GUCY1A2: variants seen among roughly 807,000 people sequenced by gnomAD.
GUCY1A2 encodes guanylate cyclase 1 soluble subunit alpha 2, also known as guanylate cyclase soluble subunit alpha-2.
A neutral mutation model predicts 63.5 loss-of-function variants in GUCY1A2; 27 were observed. The observed-to-expected ratio is 0.43, with a 90% CI of 0.31 to 0.59. GUCY1A2 has a LOEUF of 0.59. Ranked by LOEUF, GUCY1A2 falls within the 20% of genes least tolerant of loss-of-function variation. GUCY1A2 has a pLI of 0.11. For synonymous variants in GUCY1A2, 364 were observed against 343.5 expected, an observed-to-expected ratio of 1.06 and a Z score of -0.66; for missense variants, 768 against 913.3, an observed-to-expected ratio of 0.84 and a Z score of 2.05.
intron 5 of GUCY1A2, among the ~76,000 whole-genome samples, chr11:106,806,383 A>G (rs1236315562): frequency 6.6e-6 from 1 of 152,186 alleles, no homozygotes; most frequent in Non-Finnish European, 1.5e-5. Context: ...GCACTGGAAC[A>G]CTGCAACCAT....
At chr11:106,696,791 C>G (rs1862727419) in intron 7 of GUCY1A2, among the ~76,000 whole-genome samples, 1 of 152,038 alleles carries the variant, frequency 6.6e-6, no homozygotes, top group Non-Finnish European at 1.5e-5. Context: ...TTGCAAATTC[C>G]ACTAAAATTA....
intron 1 of GUCY1A2, among the ~76,000 whole-genome samples, chr11:106,986,712 G>A (rs1861406449): frequency 1.3e-5 from 2 of 151,996 alleles, no homozygotes; most frequent in African/African-American, 4.8e-5. Flanking sequence ...GAGTAGGATG[G>A]GAAGCAGGTG....
At chr11:106,707,034 A>C (rs1344670298) in intron 7 of GUCY1A2, among the ~76,000 whole-genome samples, 1 of 152,160 alleles carries the variant, frequency 6.6e-6, no homozygotes, top group East Asian at 1.9e-4. Flanking sequence ...AACTTTGTCC[A>C]GAAGTTGTCT....
At chr11:106,848,143 T>C (rs1859302154) in intron 4 of GUCY1A2, among the ~76,000 whole-genome samples, 1 of 151,658 alleles carries the variant, frequency 6.6e-6, no homozygotes, top group Non-Finnish European at 1.5e-5. Flanking sequence ...GGAAAGCTGG[T>C]GAAAATGCTG....
At chr11:106,735,211 T>G (rs1863568377) in intron 6 of GUCY1A2, among the ~76,000 whole-genome samples, 1 of 152,122 alleles carries the variant, frequency 6.6e-6, no homozygotes, top group Non-Finnish European at 1.5e-5. Context: ...CACCCTGTTG[T>G]GCTATCAGAT....
intron 1 of GUCY1A2, among the ~76,000 whole-genome samples, chr11:106,989,344 G>A (rs890399384): frequency 2.0e-5 from 3 of 151,914 alleles, no homozygotes; most frequent in Non-Finnish European, 4.4e-5. Context: ...TTCCTTATGC[G>A]TACCTTATTT....
intron 5 of GUCY1A2, among the ~76,000 whole-genome samples, chr11:106,792,034 C>A (rs986172914): frequency 6.6e-6 from 1 of 152,056 alleles, no homozygotes; most frequent in Non-Finnish European, 1.5e-5. Context: ...TTGATGAACA[C>A]TGATGCAAAA....
chr11:106,746,976 A>G (rs1021056377), intron 6 of GUCY1A2, among the ~76,000 whole-genome samples: 3 of 152,074 alleles, frequency 2.0e-5, no homozygotes, highest in African/African-American at 4.8e-5. Flanking sequence ...AAGAATCAAA[A>G]GATGTGGGTT....
At chr11:106,874,265 T>C (rs147635995) in intron 4 of GUCY1A2, among the ~76,000 whole-genome samples, 1 of 152,310 alleles carries the variant, frequency 6.6e-6, no homozygotes, top group African/African-American at 2.4e-5. Context: ...TAAAATCCAA[T>C]AGGCTGTGGC....
At chr11:106,802,288 G>A (rs562003516) in intron 5 of GUCY1A2, among the ~76,000 whole-genome samples, 2 of 152,242 alleles carry the variant, frequency 1.3e-5, no homozygotes, top group African/African-American at 2.4e-5. Flanking sequence ...TGCTGAAGTG[G>A]TAGTGGCAAA....
chr11:106,680,451 C>T lies in GUCY1A2; in HGVS notation c.*7098G>A, dbSNP rs971092310. The T allele has an allele frequency of 4.8e-6, 1 of 206,828 alleles. No individual in the cohort carries two copies. The highest frequency in any genetic ancestry group is 9.9e-6 in the Non-Finnish European group (1 of 101,424). The allele number at this position is 206,828 out of a possible 1,614,324, so 12.8% of individuals were successfully genotyped here. ...ATCAAAAAGTAACTATTACTCAGAC[C>T]TGCCATTTGGTTTTTCTTTTCTGCT... is the stretch of plus-strand genomic sequence containing the variant. On this transcript the variant is annotated 3_prime_UTR_variant, in exon 8 of 8. Transcript: ENST00000526355.
At chr11:106,998,971 T>C (rs1208001436) in intron 1 of GUCY1A2, among the ~76,000 whole-genome samples, 2 of 152,124 alleles carry the variant, frequency 1.3e-5, no homozygotes, top group East Asian at 1.9e-4. Flanking sequence ...GACTGAGAGA[T>C]CCCAGAAGCA....
intron 6 of GUCY1A2, among the ~76,000 whole-genome samples, chr11:106,767,539 T>A (rs1864184746): frequency 6.6e-6 from 1 of 152,094 alleles, no homozygotes; most frequent in African/African-American, 2.4e-5. Context: ...AGTCTGAAAA[T>A]ATGATTAAAA....
chr11:106,787,402 T>C (rs1447117970), intron 5 of GUCY1A2, among the ~76,000 whole-genome samples: 2 of 43,790 alleles, frequency 4.6e-5, no homozygotes, highest in African/African-American at 1.0e-4. Context: ...ACGTGGGAAA[T>C]TTGCCTTACT....
intron 5 of GUCY1A2, among the ~76,000 whole-genome samples, chr11:106,801,435 G>A (rs1287562038): frequency 2.0e-5 from 3 of 151,914 alleles, no homozygotes; most frequent in Non-Finnish European, 4.4e-5. Flanking sequence ...TAAAATTAAG[G>A]GCAAAACCCA....
At chr11:106,727,327 T>C (rs1165013366) in intron 6 of GUCY1A2, among the ~76,000 whole-genome samples, 2 of 152,180 alleles carry the variant, frequency 1.3e-5, no homozygotes, top group Admixed American at 1.3e-4. Context: ...TCAAGAGCTG[T>C]CCTGTGGGAT....
chr11:106,685,702 C>G lies in GUCY1A2; in HGVS notation c.*1847G>C, dbSNP rs79398868. The stretch of plus-strand genomic sequence containing the variant: ...TCCCAGTCTGCTCTGCTCATACTGG[C>G]TGTAAACCTCCCCATTGTCCAGAAA... On this transcript the variant is annotated 3_prime_UTR_variant, in exon 8 of 8. Transcript: ENST00000526355. 5.1e-3 allele frequency: 1,154 copies of G among 227,672 alleles called. 20 individuals carry two copies. Among genetic ancestry groups the G allele is most frequent in the African/African-American group, 0.024 (1,085 of 45,140 alleles). The allele number at this position is 227,672 out of a possible 1,614,324, so 14.1% of individuals were successfully genotyped here.
Position 106,678,391 on chromosome 11 carries a change from T to C in GUCY1A2, c.*9158A>G, listed in dbSNP as rs1220211629. 1 of 211,038 alleles carries C rather than the reference T, an allele frequency of 4.7e-6. No individual in the cohort carries two copies. The highest frequency in any genetic ancestry group is 9.6e-6 in the Non-Finnish European group (1 of 103,996). 13.1% of individuals were successfully genotyped at this position (211,038 alleles called of 1,614,324 possible). ...GCTGTTTTCATATTTTGCTTCATTT[T>C]ATGGAAGTTTTAATTTAAAAGGCCA... On this transcript the variant is annotated 3_prime_UTR_variant, in exon 8 of 8. Transcript: ENST00000526355.
At chr11:106,797,110 T>C (rs910102603) in intron 5 of GUCY1A2, among the ~76,000 whole-genome samples, 3 of 152,174 alleles carry the variant, frequency 2.0e-5, no homozygotes, top group Admixed American at 1.3e-4. Context: ...TCTCGTGCCA[T>C]GGTTTTCTGC....
Sources: gnomAD v4.1 joint callset for allele counts (sites outside exome capture counted in the v4.1 genomes callset) on GRCh38, gnomAD v4.1.1 for gene constraint, MANE v1.5 for transcripts, NCBI Gene and HGNC (gene_info 2026-07-23, HGNC 2026-07-21) for gene names.